Variants in ASB5 observed in about 807,000 individuals in gnomAD.
ASB5 encodes ankyrin repeat and SOCS box protein 5.
Under a neutral mutation model 42.1 loss-of-function variants are expected in ASB5, and 45 were observed. The ratio of observed to expected loss-of-function variants is 1.07; its 90% CI spans 0.84 to 1.37. The LOEUF (loss-of-function observed/expected upper bound fraction) is 1.37. Among genes scored for constraint, ASB5 ranks in the 40% most tolerant of loss-of-function variants. The pLI is 0.00. For missense variants in ASB5, 402 were observed against 399.8 expected (o/e 1.01, Z -0.05); for synonymous variants, 147 against 150.6 (o/e 0.98, Z 0.18).
chr4:176,263,976 G>T (rs938272796), intron 1 of ASB5, among the ~76,000 whole-genome samples: 2 of 151,412 alleles, frequency 1.3e-5, no homozygotes, highest in Non-Finnish European at 2.9e-5. Context: ...AAGTTCACCT[G>T]CCATTCAGCT....
chr4:176,273,503 G>T (rs1435890364), upstream of ASB5, among the ~76,000 whole-genome samples: 1 of 152,098 alleles, frequency 6.6e-6, no homozygotes, highest in African/African-American at 2.4e-5. Flanking sequence ...TGTTCATTTG[G>T]TCTCTTGCCA....
intron 1 of ASB5, among the ~76,000 whole-genome samples, chr4:176,229,445 C>T (rs549774855): frequency 6.6e-6 from 1 of 152,226 alleles, no homozygotes; most frequent in South Asian, 2.1e-4. Flanking sequence ...TGTGTTTGTT[C>T]ATCAAAATGA....
In ASB5 at chr4:176,276,606, T is replaced by C. The variant is rs952097725; in HGVS notation, c.-201+623A>G. ...ATAACAAAGTCACTCAATAGTTTGA[T>C]ATATCCTGGGAAGACAGCAGATATT... On this transcript the variant is annotated intron_variant, in intron 1 of 2. Transcript: ENST00000505299. 2.6e-5 allele frequency among the ~76,000 whole-genome samples: 4 copies of C among 152,214 alleles called. No homozygotes were observed. In the East Asian group the frequency reaches 5.8e-4, roughly 22 times the overall value.
intron 1 of ASB5, among the ~76,000 whole-genome samples, chr4:176,228,230 C>T (rs1378031342): frequency 6.6e-6 from 1 of 152,136 alleles, no homozygotes; most frequent in Non-Finnish European, 1.5e-5. Flanking sequence ...TCATCTCTTA[C>T]TATTTTAATA....
chr4:176,241,414 T>C (rs771275903), intron 1 of ASB5: 8 of 1,463,256 alleles, frequency 5.5e-6, no homozygotes, highest in Non-Finnish European at 6.4e-6. Flanking sequence ...AGTAAAAAAA[T>C]AAAACCTCCT....
At chr4:176,222,236 GA>G (rs1275056764) in intron 3 of ASB5, 76 bp downstream of exon 3, 9 of 1,339,862 alleles carry the variant, frequency 6.7e-6, no homozygotes, top group African/African-American at 1.5e-5. Flanking sequence ...ATGAAGGAAA[GA>G]AAAGTAAAAT....
intron 1 of ASB5, among the ~76,000 whole-genome samples, chr4:176,235,197 T>C (rs1262187554): frequency 6.6e-6 from 1 of 152,182 alleles, no homozygotes; most frequent in Non-Finnish European, 1.5e-5. Context: ...TTTTCTACAT[T>C]TTCATATAAT....
intron 1 of ASB5, among the ~76,000 whole-genome samples, chr4:176,261,748 C>T (rs993430074): frequency 3.3e-5 from 5 of 152,074 alleles, no homozygotes; most frequent in African/African-American, 1.2e-4. Flanking sequence ...GACTGTTTTC[C>T]TTTTAGCGCC....
At chr4:176,246,592 G>A (rs533663086) in intron 1 of ASB5, among the ~76,000 whole-genome samples, 1 of 152,224 alleles carries the variant, frequency 6.6e-6, no homozygotes, top group Admixed American at 6.5e-5. Context: ...AATGATACGG[G>A]GAATGCTTTT....
At chr4:176,244,943 A>G (rs182402505) in intron 1 of ASB5, among the ~76,000 whole-genome samples, 22 of 152,216 alleles carry the variant, frequency 1.4e-4, no homozygotes, top group Middle Eastern at 3.4e-3. Flanking sequence ...CACCTGGGCA[A>G]CAGAGATCCT....
intron 1 of ASB5, among the ~76,000 whole-genome samples, chr4:176,250,724 C>T (rs539681273): frequency 1.2e-3 from 186 of 152,298 alleles, no homozygotes; most frequent in African/African-American, 4.3e-3. Context: ...TGCTAGTTAA[C>T]GCCACGTGCG....
At chr4:176,269,341 C>T (rs2126980871), upstream of ASB5, 1 of 352,502 alleles carries the variant, frequency 2.8e-6, no homozygotes, top group Middle Eastern at 7.5e-4. Context: ...TCCTGACTTT[C>T]CATTCTCAAT....
Position 176,240,808 on chromosome 4 carries a change from A to G in ASB5, c.197-15467T>C, listed in dbSNP as rs536316605. On this transcript the variant is annotated intron_variant, in intron 1 of 6. Transcript: ENST00000296525. Reference sequence around the variant, plus strand: ...ATAAATTAACAAATGAGTGATCCACAGATATGGATTTTTGAGGGTATATTC... The same window carrying G: ...ATAAATTAACAAATGAGTGATCCACGGATATGGATTTTTGAGGGTATATTC... 3.9e-5 allele frequency among the ~76,000 whole-genome samples: 6 copies of G among 152,330 alleles called. No homozygotes were observed. In the East Asian group the frequency reaches 1.2e-3, roughly 29 times the overall value.
At chr4:176,222,562 G>T in intron 2 of ASB5, 142 bp from the exon 3 acceptor site, 1 of 735,602 alleles carries the variant, frequency 1.4e-6, no homozygotes, top group Non-Finnish European at 2.2e-6. Context: ...GGATAGGCCA[G>T]TTCAAATGCC....
intron 1 of ASB5, among the ~76,000 whole-genome samples, chr4:176,245,239 T>C (rs1342308826): frequency 6.6e-6 from 1 of 152,080 alleles, no homozygotes; most frequent in Non-Finnish European, 1.5e-5. Flanking sequence ...GGGGAGAGGA[T>C]ATGAACAGAC....
At chr4:176,263,762 G>A (rs1028187450) in intron 1 of ASB5, among the ~76,000 whole-genome samples, 1 of 152,162 alleles carries the variant, frequency 6.6e-6, no homozygotes, top group African/African-American at 2.4e-5. Context: ...GTAACCAGCA[G>A]CACCAAAAGT....
chr4:176,246,479 G>A (rs187530528), intron 1 of ASB5, among the ~76,000 whole-genome samples: 17 of 152,316 alleles, frequency 1.1e-4, no homozygotes, highest in African/African-American at 3.8e-4. Context: ...CACAGAGTAT[G>A]AGTGTAGACA....
rs577793210 is a variant in ASB5 at position 176,254,923 on chromosome 4, C to A, written c.196+13990G>T. Among the ~76,000 whole-genome samples the A allele has an allele frequency of 1.8e-4, 27 of 152,062 alleles. No individual in the cohort carries two copies. The East Asian group carries it at 3.1e-3, about 17-fold the overall frequency. On this transcript the variant is annotated intron_variant, in intron 1 of 6. Transcript: ENST00000296525. ...GAGGCGAGTGGATCACGAGGTCAGG[C>A]GTTTGAGACCAGCCTGACCAACATG...
At chr4:176,250,426 A>C (rs546794822) in intron 1 of ASB5, among the ~76,000 whole-genome samples, 1 of 152,354 alleles carries the variant, frequency 6.6e-6, no homozygotes, top group African/African-American at 2.4e-5. Flanking sequence ...CGAGGAGTTC[A>C]ATAAAGTACC....
Sources: allele counts gnomAD v4.1 joint callset (sites outside exome capture counted in the v4.1 genomes callset), GRCh38; gene constraint gnomAD v4.1.1; transcripts MANE v1.5; gene names NCBI Gene and HGNC (gene_info 2026-07-23, HGNC 2026-07-21).